Variants in CAMK2B observed in about 807,000 individuals in gnomAD.
CAMK2B encodes calcium/calmodulin dependent protein kinase II beta, also known as calcium/calmodulin-dependent protein kinase type II subunit beta.
CAMK2B carries 27 observed loss-of-function variants against 93.7 expected under a neutral mutation model. The ratio of observed to expected loss-of-function variants is 0.29; its 90% CI spans 0.21 to 0.40. The LOEUF (loss-of-function observed/expected upper bound fraction) is 0.40. Ranked by LOEUF, CAMK2B falls within the 10% of genes least tolerant of loss-of-function variation. The pLI, the probability that CAMK2B is intolerant of heterozygous loss-of-function variation, is 1.00. For missense variants in CAMK2B, 568 were observed against 895.8 expected, an observed-to-expected ratio of 0.63 and a Z score of 4.67; for synonymous variants, 374 against 358.8, an observed-to-expected ratio of 1.04 and a Z score of -0.48.
chr7:44,274,807 T>C (rs1474177182), intron 2 of CAMK2B, among the ~76,000 whole-genome samples: 1 of 152,114 alleles, frequency 6.6e-6, no homozygotes, highest in African/African-American at 2.4e-5. Flanking sequence ...TCTTCAAACC[T>C]TGGGCCCACA....
chr7:44,220,927 C>T (rs1362278053), intron 20 of CAMK2B, 26 bp from the exon 21 acceptor site: 13 of 1,546,786 alleles, frequency 8.4e-6, no homozygotes, highest in Non-Finnish European at 1.1e-5. Context: ...GCCAGGTGAC[C>T]ACTGGGCGCT....
chr7:44,315,554 T>C (rs1263412920), intron 1 of CAMK2B, among the ~76,000 whole-genome samples: 1 of 152,232 alleles, frequency 6.6e-6, no homozygotes, highest in Admixed American at 6.5e-5. Flanking sequence ...TTTAGCTATT[T>C]TGGGTCTCTT....
intron 2 of CAMK2B, among the ~76,000 whole-genome samples, chr7:44,282,396 C>A (rs2097109195): frequency 1.3e-5 from 2 of 152,256 alleles, no homozygotes; most frequent in Admixed American, 1.3e-4. Flanking sequence ...CAGGCCCCCG[C>A]AATGTGTGGA....
At chr7:44,246,999 CAT>C (rs963061468) in intron 6 of CAMK2B, 119 bp downstream of exon 6, 7 of 734,302 alleles carry the variant, frequency 9.5e-6, no homozygotes, top group African/African-American at 1.7e-5. Context: ...CACACACACA[CAT>C]ACACCTCACC....
intron 1 of CAMK2B, among the ~76,000 whole-genome samples, chr7:44,306,415 G>T (rs994405422): frequency 6.6e-6 from 1 of 152,204 alleles, no homozygotes; most frequent in Non-Finnish European, 1.5e-5. Flanking sequence ...AACCCCACAG[G>T]AGCTGTGCCC....
intron 20 of CAMK2B, chr7:44,226,011 G>A (rs1562787109): frequency 4.2e-6 from 4 of 952,670 alleles, no homozygotes; most frequent in Non-Finnish European, 4.2e-6. Flanking sequence ...GTTTCAGCCT[G>A]GCCCCAGCTG....
At chr7:44,222,402 T>C (rs1031451793) in intron 20 of CAMK2B, among the ~76,000 whole-genome samples, 6 of 152,066 alleles carry the variant, frequency 3.9e-5, no homozygotes, top group African/African-American at 1.4e-4. Flanking sequence ...GCCACATACA[T>C]GCAACCTGTC....
At position 44,325,544 on chromosome 7, in the gene CAMK2B, C is replaced by T; in HGVS notation, c.-123G>A. The T allele has an allele frequency of 2.4e-6, 1 of 414,462 alleles. No individual in the cohort carries two copies. Among genetic ancestry groups the T allele is most frequent in the Non-Finnish European group, 3.2e-6 (1 of 310,228 alleles). The allele number at this position is 414,462 out of a possible 1,614,324, so 25.7% of individuals were successfully genotyped here. On this transcript the variant is annotated 5_prime_UTR_variant, in exon 1 of 24. Transcript: ENST00000395749. The stretch of plus-strand genomic sequence containing the variant: ...CGGGAGACACCTCGGCTCGCGGCGC[C>T]AGGCGGGGGCCGGGCTGGGCTGCGC...
chr7:44,263,408 G>A (rs2096897047), intron 2 of CAMK2B, among the ~76,000 whole-genome samples: 1 of 152,208 alleles, frequency 6.6e-6, no homozygotes, highest in South Asian at 2.1e-4. Context: ...GGAGCTTTTG[G>A]CTGAAGCCAA....
chr7:44,243,121 A>T, intron 8 of CAMK2B, 129 bp downstream of exon 8: 1 of 702,484 alleles, frequency 1.4e-6, no homozygotes, highest in Non-Finnish European at 2.4e-6. Context: ...GGGCAGCTCA[A>T]GGGCAGGTCT....
At chr7:44,239,555 G>A in intron 13 of CAMK2B, 34 bp downstream of exon 13, 1 of 1,523,126 alleles carries the variant, frequency 6.6e-7, no homozygotes, top group Non-Finnish European at 8.9e-7. Flanking sequence ...GGGACGGGCG[G>A]GAGCGGGCGG....
intron 13 of CAMK2B, among the ~76,000 whole-genome samples, chr7:44,237,069 G>A (rs749734750): frequency 7.9e-5 from 12 of 152,336 alleles, no homozygotes; most frequent in African/African-American, 1.9e-4. Flanking sequence ...CGTAGCCTCC[G>A]CCAACCCAGC....
At chr7:44,294,411 G>A (rs562688405) in intron 1 of CAMK2B, among the ~76,000 whole-genome samples, 1 of 152,294 alleles carries the variant, frequency 6.6e-6, no homozygotes, top group South Asian at 2.1e-4. Flanking sequence ...CTGTCCCAGC[G>A]ACCAGCCCAG....
intron 5 of CAMK2B, among the ~76,000 whole-genome samples, chr7:44,253,542 C>G (rs1249105035): frequency 6.6e-6 from 1 of 152,126 alleles, no homozygotes; most frequent in Non-Finnish European, 1.5e-5. Context: ...GACAAAGATA[C>G]AAATTTAAAA....
chr7:44,235,539 T>C (rs2096617618), intron 13 of CAMK2B, among the ~76,000 whole-genome samples: 1 of 152,122 alleles, frequency 6.6e-6, no homozygotes, highest in South Asian at 2.1e-4. Context: ...CAGCTTACCT[T>C]ACAGAAAAGG....
Position 44,220,203 on chromosome 7 carries a change from G to C in CAMK2B, c.1860C>G (p.Ile620Met). 1 of 1,613,292 alleles carries C rather than the reference G, an allele frequency of 6.2e-7. No homozygotes were observed. ...GCCCGTCAATGTACTGCGTGAGCCG[G>C]ATGTAAGCGATGCAGGCGGCATCCT... ...IGEDAACIAY[I>M]RLTQYIDGQG... Residue 620 changes from isoleucine (I) to methionine (M), a missense_variant, in exon 23 of 24, where the codon ATC becomes ATG. Ile to Met is a conservative substitution (Grantham distance 10). Around this residue, in one of 4 missense-constraint regions of CAMK2B, gnomAD observed 116 missense variants for 188.0 expected, o/e 0.62. Transcript: ENST00000395749.
At chr7:44,310,161 C>T (rs139484706) in intron 1 of CAMK2B, among the ~76,000 whole-genome samples, 1 of 152,360 alleles carries the variant, frequency 6.6e-6, no homozygotes, top group Admixed American at 6.5e-5. Context: ...TTAAAGTACT[C>T]GGGTTTTTGT....
At chr7:44,244,991 T>A (rs192289260) in intron 6 of CAMK2B, 324 of 454,564 alleles carry the variant, frequency 7.1e-4, no homozygotes, top group Non-Finnish European at 1.3e-3. Flanking sequence ...CGTGAGTGGG[T>A]GGAGGCCCCA....
At chr7:44,274,679 A>G (rs1481358772) in intron 2 of CAMK2B, among the ~76,000 whole-genome samples, 2 of 152,364 alleles carry the variant, frequency 1.3e-5, no homozygotes, top group East Asian at 3.9e-4. Context: ...CTATGTGCAA[A>G]GCAGGAGGCC....
Sources: allele counts gnomAD v4.1 joint callset (sites outside exome capture counted in the v4.1 genomes callset), GRCh38; gene constraint gnomAD v4.1.1; regional missense constraint gnomAD v4.1.1; transcripts MANE v1.5; gene names NCBI Gene and HGNC (gene_info 2026-07-23, HGNC 2026-07-21).